PLS3: variants seen among roughly 807,000 people sequenced by gnomAD.
The protein encoded by PLS3 is plastin-3.
PLS3 carries 11 observed loss-of-function variants against 46.5 expected under a neutral mutation model. The observed-to-expected ratio is 0.24, with a 90% CI of 0.15 to 0.39. The LOEUF is 0.39. Among genes scored for constraint, PLS3 ranks in the 10% least tolerant of loss-of-function variants. The pLI is 1.00. For synonymous variants in PLS3, 167 were observed against 162.2 expected (o/e 1.03, Z -0.22); for missense variants, 308 against 461.8 (o/e 0.67, Z 3.05).
chrX:115,619,730 A>G (rs1333734763), intron 2 of PLS3, among the ~76,000 whole-genome samples: 3 of 112,562 alleles, frequency 2.7e-5, no homozygotes, highest in African/African-American at 9.7e-5. Context: ...TTAATTAGCC[A>G]GGCATGATGG....
At chrX:115,592,318 C>A (rs1285304240) in intron 1 of PLS3, among the ~76,000 whole-genome samples, 2 of 111,725 alleles carry the variant, frequency 1.8e-5, no homozygotes, top group Admixed American at 1.9e-4. Flanking sequence ...GACACTCTTA[C>A]ATATTTATAT....
chrX:115,643,663 G>A (rs1471874494), intron 10 of PLS3, among the ~76,000 whole-genome samples, 155 bp downstream of exon 10: 1 of 112,247 alleles, frequency 8.9e-6, no homozygotes, highest in Admixed American at 9.5e-5. Context: ...TACGATACAA[G>A]TGAACTTTTA....
chrX:115,647,182 A>C lies in PLS3; in HGVS notation c.1512-368A>C, dbSNP rs193036286. Among the ~76,000 whole-genome samples the C allele has an allele frequency of 2.4e-3, 269 of 111,520 alleles. 1 individual carries two copies. Among genetic ancestry groups the C allele is most frequent in the Middle Eastern group, 0.014 (3 of 215 alleles). On this transcript the variant is annotated intron_variant, in intron 13 of 15. Transcript: ENST00000355899. ...AGGAGTGGTGGCTCACGCCTGTAAT[A>C]CCAGCACTTTGGGAGGCCAAGGAGG...
chrX:115,622,184 A>T, intron 2 of PLS3, 62 bp from the exon 3 acceptor site: 1 of 920,793 alleles, frequency 1.1e-6, no homozygotes. Context: ...ATGAAGGGAA[A>T]TACTCTAACT....
chrX:115,581,074 T>C (rs1370490237), intron 1 of PLS3, among the ~76,000 whole-genome samples: 2 of 111,231 alleles, frequency 1.8e-5, no homozygotes, highest in Non-Finnish European at 3.8e-5. Context: ...TGACCTTTTT[T>C]AATGGCCAAA....
rs782065312 is a variant in PLS3, at chrX:115,610,230, G to C, written c.-8-13G>C. ...ATTTTTTAAAGTCTGAAACGTTTTT[G>C]GTTTTTCTTTAGATCTTTAAATGGA... On this transcript the variant is annotated splice_polypyrimidine_tract_variant and intron_variant, in intron 1 of 15. Coordinates refer to ENST00000355899, the MANE Select transcript of PLS3 (RefSeq NM_005032.7). 1 of 1,019,734 alleles carries C rather than the reference G, an allele frequency of 9.8e-7. No homozygotes were observed. The highest frequency in any genetic ancestry group is 2.8e-5 in the Admixed American group (1 of 36,177). The allele number at this position is 1,019,734 out of a possible 1,213,427, so 84.0% of individuals were successfully genotyped here. A position where few individuals can be genotyped will look rare whatever the true frequency, so the allele number is the denominator to read the frequency against.
At position 115,609,849 on chromosome X, in the gene PLS3, A is replaced by G. The variant is rs995056893; in HGVS notation, c.-8-394A>G. On this transcript the variant is annotated intron_variant, in intron 1 of 15. Transcript: ENST00000355899. ...CAATGTCTTCACAGTGAATGATTCT[A>G]AAGTGGCTTAATGGGAAAATGATAC... Among the ~76,000 whole-genome samples, 3 of 112,237 alleles carry G rather than the reference A, an allele frequency of 2.7e-5. No individual in the cohort carries two copies. The South Asian group carries it at 1.1e-3, about 41-fold the overall frequency.
intron 2 of PLS3, among the ~76,000 whole-genome samples, chrX:115,617,055 C>T (rs1411894628): frequency 9.0e-6 from 1 of 111,598 alleles, no homozygotes; most frequent in Non-Finnish European, 1.9e-5. Context: ...ATTTTGTAGC[C>T]ACAGTTTCAA....
At chrX:115,584,809 A>C (rs1421245501) in intron 1 of PLS3, among the ~76,000 whole-genome samples, 5 of 111,836 alleles carry the variant, frequency 4.5e-5, no homozygotes, top group African/African-American at 1.6e-4. Flanking sequence ...TGTATTGCTC[A>C]GTTATTTTTG....
At chrX:115,622,095 C>G in intron 2 of PLS3, 151 bp from the exon 3 acceptor site, 1 of 453,538 alleles carries the variant, frequency 2.2e-6, no homozygotes, top group Non-Finnish European at 3.8e-6. Context: ...TTTAAATGTC[C>G]ATTTCCCTTT....
At chrX:115,598,589 A>G (rs2074411684) in intron 1 of PLS3, among the ~76,000 whole-genome samples, 1 of 112,414 alleles carries the variant, frequency 8.9e-6, no homozygotes. Flanking sequence ...CAAAATTCCA[A>G]GCCACTTGTT....
At chrX:115,622,553 A>G in intron 3 of PLS3, 144 bp downstream of exon 3, 1 of 377,089 alleles carries the variant, frequency 2.7e-6, no homozygotes, top group Non-Finnish European at 4.6e-6. Flanking sequence ...CCTGCCCACT[A>G]AATGTACTTC....
intron 2 of PLS3, among the ~76,000 whole-genome samples, chrX:115,618,849 C>T (rs1556637157): frequency 3.6e-5 from 4 of 111,639 alleles, no homozygotes; most frequent in South Asian, 3.8e-4. Context: ...CAAGATCATG[C>T]CACTGCACTC....
chrX:115,575,267 T>G (rs2074240765), intron 1 of PLS3, among the ~76,000 whole-genome samples: 1 of 111,849 alleles, frequency 8.9e-6, no homozygotes, highest in Non-Finnish European at 1.9e-5. Context: ...TTGGGGTTGT[T>G]TCTACACTAT....
chrX:115,601,469 A>G (rs1464756740), intron 1 of PLS3, among the ~76,000 whole-genome samples: 2 of 108,391 alleles, frequency 1.8e-5, no homozygotes, highest in African/African-American at 6.7e-5. Flanking sequence ...GATAAAAAAA[A>G]AAAAAAACTT....
chrX:115,631,127 G>A (rs896925947), intron 5 of PLS3, among the ~76,000 whole-genome samples: 5 of 104,383 alleles, frequency 4.8e-5, no homozygotes, highest in African/African-American at 1.7e-4. Context: ...CGCAATTTTG[G>A]CTCACCGCAA....
intron 1 of PLS3, among the ~76,000 whole-genome samples, chrX:115,590,036 G>A (rs1245823722): frequency 9.0e-6 from 1 of 111,153 alleles, no homozygotes; most frequent in Admixed American, 9.5e-5. Context: ...TTGAATTTTT[G>A]GTAGAGACGG....
At chrX:115,636,442 G>A (rs1300556502) in intron 7 of PLS3, among the ~76,000 whole-genome samples, 1 of 110,961 alleles carries the variant, frequency 9.0e-6, no homozygotes, top group Non-Finnish European at 1.9e-5. Context: ...TCCTGACCTC[G>A]TGATCCGCCC....
At chrX:115,646,298 ATTTG>A in intron 12 of PLS3, 100 bp from the exon 13 acceptor site, 1 of 956,118 alleles carries the variant, frequency 1.0e-6, no homozygotes, top group Non-Finnish European at 1.5e-6. Context: ...ACTGTGTCTT[ATTTG>A]TTTTTGTGTG....
Sources: gnomAD v4.1 joint callset for allele counts (sites outside exome capture counted in the v4.1 genomes callset) on GRCh38, gnomAD v4.1.1 for gene constraint, MANE v1.5 for transcripts, NCBI Gene and HGNC (gene_info 2026-07-23, HGNC 2026-07-21) for gene names.